MLLT3: variants seen among roughly 807,000 people sequenced by gnomAD.
MLLT3 encodes the protein MLLT3 super elongation complex subunit.
In MLLT3, 4 loss-of-function variants were observed where a neutral mutation model predicts 53.2. That is an observed-to-expected ratio of 0.08 (90% CI 0.04 to 0.17). The LOEUF (loss-of-function observed/expected upper bound fraction) is 0.17. Among genes scored for constraint, MLLT3 ranks in the 10% least tolerant of loss-of-function variants. The pLI is 1.00. For missense variants in MLLT3, 569 were observed against 684.0 expected (o/e 0.83, Z 1.87); for synonymous variants, 283 against 230.6 (o/e 1.23, Z -2.06).
intron 10 of MLLT3, among the ~76,000 whole-genome samples, chr9:20,350,273 A>G (rs1587139634): frequency 6.6e-6 from 1 of 152,164 alleles, no homozygotes; most frequent in Non-Finnish European, 1.5e-5. Context: ...CCAAAATAAT[A>G]ATAATAGTAG....
intron 2 of MLLT3, among the ~76,000 whole-genome samples, chr9:20,458,032 C>T (rs1824014025): frequency 6.6e-6 from 1 of 152,172 alleles, no homozygotes; most frequent in Admixed American, 6.5e-5. Flanking sequence ...TGCATTTCCC[C>T]CAAATGTGCC....
intron 2 of MLLT3, among the ~76,000 whole-genome samples, chr9:20,483,698 CTTTTTTTTT>C (rs10538657): frequency 7.3e-5 from 5 of 68,942 alleles, no homozygotes; most frequent in Non-Finnish European, 7.6e-5. Flanking sequence ...CAGTAAAACT[CTTTTTTTTT>C]TTTTTTTTTT....
intron 5 of MLLT3, among the ~76,000 whole-genome samples, chr9:20,405,834 G>A (rs188153651): frequency 5.3e-5 from 8 of 152,194 alleles, no homozygotes; most frequent in Non-Finnish European, 8.8e-5. Context: ...CCTTCTGGCC[G>A]GGTGTGGTGG....
At chr9:20,445,137 C>T (rs1040273683) in intron 4 of MLLT3, among the ~76,000 whole-genome samples, 15 of 152,022 alleles carry the variant, frequency 9.9e-5, no homozygotes, top group African/African-American at 3.4e-4. Flanking sequence ...ATCAAATCCA[C>T]AATTTCCCCA....
rs1400437437 is a variant in MLLT3, at chr9:20,497,300, AT to A, written c.194-40515del. Among the ~76,000 whole-genome samples the A allele has an allele frequency of 5.3e-5, 8 of 152,184 alleles. No individual in the cohort carries two copies. In the East Asian group the frequency reaches 1.5e-3, roughly 29 times the overall value. ...TCTATCTTTATTAACCACAATTGAC[AT>A]TAAAAATCACATATTTAAAGTAATA... On this transcript the variant is annotated intron_variant, in intron 2 of 10. Transcript: ENST00000380338.
intron 2 of MLLT3, among the ~76,000 whole-genome samples, chr9:20,467,182 T>C (rs1316130062): frequency 5.3e-5 from 8 of 152,016 alleles, no homozygotes. Flanking sequence ...GCTCTCACTA[T>C]GTTGTCTAGG....
In MLLT3 at chr9:20,368,380, G is replaced by A. The variant is rs141531060; in HGVS notation, c.1126-2636C>T. 5.6e-3 allele frequency among the ~76,000 whole-genome samples: 855 copies of A among 152,254 alleles called. 5 individuals carry two copies. The highest frequency in any genetic ancestry group is 0.051 in the Middle Eastern group (15 of 294). ...AAATGATATTATTTTGATAGCTCTG[G>A]AAACCATCTGGGAGCCGAAAAGGAG... is the stretch of plus-strand genomic sequence containing the variant. On this transcript the variant is annotated intron_variant, in intron 5 of 10. Transcript: ENST00000380338.
chr9:20,509,686 C>T (rs1825476870), intron 2 of MLLT3, among the ~76,000 whole-genome samples: 1 of 152,184 alleles, frequency 6.6e-6, no homozygotes, highest in African/African-American at 2.4e-5. Context: ...CTGTAACGTA[C>T]ATGGCACTGC....
In MLLT3 at chr9:20,621,670, C is replaced by G. The variant is rs1488027386; in HGVS notation, c.12+575G>C. On this transcript the variant is annotated intron_variant, in intron 1 of 10. Transcript: ENST00000380338. This position sits in a 1 kb window ranked among gnomAD's most constrained non-coding sequence, Gnocchi z 7.0. ...CGGGCGGACAGCCGCCGAGCCTCGG[C>G]TCGCGCTCAGCACCTCCCGGCGCTG... 1.7e-6 allele frequency: 2 copies of G among 1,196,588 alleles called. No individual in the cohort carries two copies. The highest frequency in any genetic ancestry group is 2.2e-6 in the Non-Finnish European group (2 of 891,142). The allele number at this position is 1,196,588 out of a possible 1,614,324, so 74.1% of individuals were successfully genotyped here.
intron 4 of MLLT3, among the ~76,000 whole-genome samples, chr9:20,421,443 C>A (rs1274144920): frequency 2.6e-5 from 4 of 151,820 alleles, no homozygotes; most frequent in African/African-American, 4.8e-5. Flanking sequence ...AAGAGAGAAA[C>A]CAAGTACAAA....
chr9:20,404,996 T>C (rs1436791268), intron 5 of MLLT3, among the ~76,000 whole-genome samples: 1 of 152,074 alleles, frequency 6.6e-6, no homozygotes, highest in Non-Finnish European at 1.5e-5. Flanking sequence ...TTTTCTGACA[T>C]AATCCACCCG....
intron 2 of MLLT3, among the ~76,000 whole-genome samples, chr9:20,498,110 C>A (rs1418972673): frequency 6.6e-6 from 1 of 151,690 alleles, no homozygotes; most frequent in Non-Finnish European, 1.5e-5. Context: ...GTAGTCCCAG[C>A]AACTCAGGAG....
intron 5 of MLLT3, among the ~76,000 whole-genome samples, 181 bp downstream of exon 5, chr9:20,413,540 C>T (rs1184723777): frequency 6.6e-6 from 1 of 152,172 alleles, no homozygotes; most frequent in African/African-American, 2.4e-5. Context: ...CTGCAGATTC[C>T]TTAATGACTT....
intron 2 of MLLT3, among the ~76,000 whole-genome samples, chr9:20,547,936 A>G (rs902891501): frequency 6.6e-6 from 1 of 152,218 alleles, no homozygotes; most frequent in African/African-American, 2.4e-5. Context: ...TGGACAACGC[A>G]GCAAGATCTT....
rs141002237 is a variant in MLLT3, at chr9:20,595,856, G to T, written c.193+24798C>A. Among the ~76,000 whole-genome samples, 867 of 152,232 alleles carry T rather than the reference G, an allele frequency of 5.7e-3. 7 individuals carry two copies. Among genetic ancestry groups the T allele is most frequent in the African/African-American group, 0.02 (830 of 41,554 alleles). On this transcript the variant is annotated intron_variant, in intron 2 of 10. Coordinates refer to ENST00000380338, the MANE Select transcript of MLLT3 (RefSeq NM_004529.4). Reference sequence around the variant, plus strand: ...TGAATCCCACTGTAAAAAGAAGTCCGGGAAATCTGTTACCATTTCTCTACC... The same window carrying T: ...TGAATCCCACTGTAAAAAGAAGTCCTGGAAATCTGTTACCATTTCTCTACC...
At chr9:20,532,442 A>G (rs1818367524) in intron 2 of MLLT3, 1 of 172,130 alleles carries the variant, frequency 5.8e-6, no homozygotes, top group East Asian at 1.4e-4. Flanking sequence ...AGTTGCAGTC[A>G]TATAGTATAT....
intron 10 of MLLT3, among the ~76,000 whole-genome samples, chr9:20,347,040 A>G (rs1015563550): frequency 1.3e-5 from 2 of 149,192 alleles, no homozygotes; most frequent in African/African-American, 5.0e-5. Flanking sequence ...TTATCATTAT[A>G]TAATTGTTAA....
Position 20,413,736 on chromosome 9 carries a change from T to C in MLLT3, c.1110A>G (p.Ile370Met). Residue 370 changes from isoleucine to methionine, a missense_variant, in exon 5 of 11, where the codon ATA becomes ATG. This residue lies in a region of MLLT3 where 437 missense variants were observed against 376.5 expected (regional missense o/e 1.16). Transcript: ENST00000380338. ...AACTACTCACATCAGATTTAGAGGA[T>C]ATATTCTCCTCCACATCTGAATCAT... is the stretch of plus-strand genomic sequence containing the variant. Reference protein sequence around the residue: ...DPNDSDVEENISSKSDSEQPS... With the variant: ...DPNDSDVEENMSSKSDSEQPS... 1 of 1,602,228 alleles carries C rather than the reference T, an allele frequency of 6.2e-7. No individual in the cohort carries two copies. The highest frequency in any genetic ancestry group is 1.1e-5 in the South Asian group (1 of 88,302).
At position 20,365,790 on chromosome 9, in the gene MLLT3, C is replaced by A. The variant is rs768251783; in HGVS notation, c.1126-46G>T. 3.1e-6 allele frequency: 5 copies of A among 1,590,998 alleles called. No individual in the cohort carries two copies. In the Admixed American group the frequency reaches 8.4e-5, roughly 27 times the overall value. ...GCACCATCAATAAATTTACGGGATA[C>A]CACACATCTAAAGTTGAAAACAGTA... On this transcript the variant is annotated intron_variant, in intron 5 of 10. Coordinates refer to ENST00000380338, the MANE Select transcript of MLLT3 (RefSeq NM_004529.4).
Sources: allele counts gnomAD v4.1 joint callset (sites outside exome capture counted in the v4.1 genomes callset), GRCh38; gene constraint gnomAD v4.1.1; regional missense constraint gnomAD v4.1.1; non-coding constraint Gnocchi (gnomAD v3.1); transcripts MANE v1.5; gene names NCBI Gene and HGNC (gene_info 2026-07-23, HGNC 2026-07-21).